The following CHST11 variants were observed in gnomAD, a reference collection of about 807,000 sequenced individuals.
CHST11 encodes the protein C4S-1.
CHST11 carries 9 observed loss-of-function variants against 30.4 expected under a neutral mutation model. That is an observed-to-expected ratio of 0.30 (90% CI 0.18 to 0.52). The LOEUF is 0.52. Ranked by LOEUF, CHST11 falls within the 20% of genes least tolerant of loss-of-function variation. The pLI, the probability that CHST11 is intolerant of heterozygous loss-of-function variation, is 0.97. For synonymous variants in CHST11, 152 were observed against 187.8 expected, an observed-to-expected ratio of 0.81 and a Z score of 1.56; for missense variants, 348 against 460.6, an observed-to-expected ratio of 0.76 and a Z score of 2.24.
At chr12:104,590,764 T>C (rs2038849773) in intron 1 of CHST11, among the ~76,000 whole-genome samples, 1 of 151,874 alleles carries the variant, frequency 6.6e-6, no homozygotes, top group Non-Finnish European at 1.5e-5. Context: ...TACTTAAAAA[T>C]GCCAAAAATT....
rs569455061 is a variant in CHST11, at chr12:104,524,864, TA to T, written c.118+67336del. Reference sequence around the variant, plus strand: ...TTCTTCCTTGACACATACCTATTTTTATTTTGTTTTGGTTCTCATCTCTGTG... The same window carrying T: ...TTCTTCCTTGACACATACCTATTTTTTTTTGTTTTGGTTCTCATCTCTGTG... On this transcript the variant is annotated intron_variant, in intron 1 of 2. Transcript: ENST00000303694. 1.1e-4 allele frequency among the ~76,000 whole-genome samples: 17 copies of T among 152,328 alleles called. No individual in the cohort carries two copies. The South Asian group carries it at 3.5e-3, about 32-fold the overall frequency.
chr12:104,491,840 C>A (rs574690245), intron 1 of CHST11, among the ~76,000 whole-genome samples: 5 of 152,158 alleles, frequency 3.3e-5, no homozygotes, highest in African/African-American at 1.2e-4. Flanking sequence ...CCACCACTCA[C>A]TGGGGCCCAC....
At position 104,663,648 on chromosome 12, in the gene CHST11, C is replaced by T. The variant is rs555772907; in HGVS notation, c.204+61657C>T. 1.8e-3 allele frequency among the ~76,000 whole-genome samples: 279 copies of T among 152,238 alleles called. 4 individuals are homozygous for T. The highest frequency in any genetic ancestry group is 3.2e-3 in the Non-Finnish European group (217 of 68,014). Reference sequence around the variant, plus strand: ...TTCAAAGGGGGCTCATACAGACCAACCCTAATTTAAAAAAATCTTACTAGG... The same window carrying T: ...TTCAAAGGGGGCTCATACAGACCAATCCTAATTTAAAAAAATCTTACTAGG... On this transcript the variant is annotated intron_variant, in intron 2 of 2. Coordinates refer to ENST00000303694, the MANE Select transcript of CHST11 (RefSeq NM_018413.6).
chr12:104,696,482 C>CAG (rs2039946457), intron 2 of CHST11, among the ~76,000 whole-genome samples: 1 of 69,142 alleles, frequency 1.4e-5, no homozygotes, highest in Non-Finnish European at 2.5e-5. Flanking sequence ...GCTAAAAATA[C>CAG]AAAAAAAAAA....
chr12:104,748,431 T>A (rs1257036696), intron 2 of CHST11, among the ~76,000 whole-genome samples: 3 of 152,018 alleles, frequency 2.0e-5, no homozygotes, highest in African/African-American at 7.2e-5. Context: ...GAGAAAGGAC[T>A]GTTAAATGGG....
At chr12:104,612,000 C>A (rs10861252) in intron 2 of CHST11, among the ~76,000 whole-genome samples, 39,004 of 152,112 alleles carry the variant, frequency 0.26, 5,174 homozygotes, top group East Asian at 0.42. Flanking sequence ...CCCTCTCTCG[C>A]CGCTTAGCCC....
rs1404463437 is a variant in CHST11 at position 104,662,970 on chromosome 12, C to T, written c.204+60979C>T. 2.6e-5 allele frequency among the ~76,000 whole-genome samples: 4 copies of T among 152,244 alleles called. No individual in the cohort carries two copies. The East Asian group carries it at 7.7e-4, about 29-fold the overall frequency. On this transcript the variant is annotated intron_variant, in intron 2 of 2. Transcript: ENST00000303694. ...ATTAGAAATTGTGCCACGGAGCCCACTCAGGTGCCACTAATTTATTTAATG... is the reference window on the plus strand; with the variant it reads ...ATTAGAAATTGTGCCACGGAGCCCATTCAGGTGCCACTAATTTATTTAATG...
chr12:104,473,294 G>C (rs762626673), intron 1 of CHST11, among the ~76,000 whole-genome samples: 8 of 152,150 alleles, frequency 5.3e-5, no homozygotes, highest in Non-Finnish European at 1.2e-4. Flanking sequence ...AAACTCCTCT[G>C]TTTTGCATTG....
In CHST11 at chr12:104,753,279, G is replaced by A. The variant is rs143279007; in HGVS notation, c.205-3670G>A. 2.2e-4 allele frequency among the ~76,000 whole-genome samples: 34 copies of A among 152,328 alleles called. No individual in the cohort carries two copies. The East Asian group carries it at 3.7e-3, about 16-fold the overall frequency. ...CACGTTCTCATTCATGTGTTGGTGC[G>A]TCTGACGGATCCTCAGCTGTAAAAT... On this transcript the variant is annotated intron_variant, in intron 2 of 2. Coordinates refer to ENST00000303694, the MANE Select transcript of CHST11 (RefSeq NM_018413.6).
chr12:104,628,101 C>T (rs940837250), intron 2 of CHST11, among the ~76,000 whole-genome samples: 1 of 152,208 alleles, frequency 6.6e-6, no homozygotes, highest in Non-Finnish European at 1.5e-5. Flanking sequence ...CTGCCTGGCA[C>T]AGTGCTCTAA....
intron 2 of CHST11, among the ~76,000 whole-genome samples, chr12:104,749,614 C>G (rs1489047726): frequency 6.6e-6 from 1 of 152,176 alleles, no homozygotes; most frequent in Non-Finnish European, 1.5e-5. Flanking sequence ...TATGAGGGAA[C>G]GGGTTTTTCT....
At chr12:104,570,000 C>T (rs1002550512) in intron 1 of CHST11, among the ~76,000 whole-genome samples, 2 of 152,168 alleles carry the variant, frequency 1.3e-5, no homozygotes, top group Non-Finnish European at 2.9e-5. Flanking sequence ...CTGATAGAAA[C>T]AGTTAGTGGT....
chr12:104,759,543 A>G lies in CHST11; in HGVS notation c.*1740A>G, dbSNP rs967464127. Reference sequence around the variant, plus strand: ...TGCCGTATATAGTGAAGGGGTGAGGATATTCTAAACAAACAAAAATTGAAT... The same window carrying G: ...TGCCGTATATAGTGAAGGGGTGAGGGTATTCTAAACAAACAAAAATTGAAT... On this transcript the variant is annotated 3_prime_UTR_variant, in exon 3 of 3. Transcript: ENST00000303694. 2 of 152,122 alleles carry G rather than the reference A, an allele frequency of 1.3e-5. No individual in the cohort carries two copies. Among genetic ancestry groups the G allele is most frequent in the Middle Eastern group, 3.2e-3 (1 of 316 alleles). The allele number at this position is 152,122 out of a possible 1,614,324, so 9.4% of individuals were successfully genotyped here. A position where few individuals can be genotyped will look rare whatever the true frequency, so the allele number is the denominator to read the frequency against.
Position 104,582,971 on chromosome 12 carries a change from T to C in CHST11, c.119-18935T>C, listed in dbSNP as rs931664052. Among the ~76,000 whole-genome samples the C allele has an allele frequency of 2.6e-5, 4 of 152,016 alleles. No homozygotes were observed. In the East Asian group the frequency reaches 7.7e-4, roughly 29 times the overall value. On this transcript the variant is annotated intron_variant, in intron 1 of 2. Transcript: ENST00000303694. ...GACATGCAAATAGCTTCATATCCTC[T>C]TGTAGCTGTAACCATTTGCAGACAC...
At chr12:104,470,248 T>C (rs2037495178) in intron 1 of CHST11, among the ~76,000 whole-genome samples, 1 of 152,178 alleles carries the variant, frequency 6.6e-6, no homozygotes, top group South Asian at 2.1e-4. Context: ...GACTGGGTAA[T>C]TTATAAAGGA....
At chr12:104,655,041 CTCTG>C (rs761618784) in intron 2 of CHST11, among the ~76,000 whole-genome samples, 43 of 152,212 alleles carry the variant, frequency 2.8e-4, no homozygotes, top group Non-Finnish European at 5.4e-4. Context: ...TGTCTTGGAT[CTCTG>C]TCTGTCTGTG....
rs577279640 is a variant in CHST11 at position 104,515,052 on chromosome 12, C to G, written c.118+57523C>G. The stretch of plus-strand genomic sequence containing the variant: ...TTGGATGAAGCATCTAAGTTCATGA[C>G]TGAATCTAGCCCGTCTCCCGCTTTT... On this transcript the variant is annotated intron_variant, in intron 1 of 2. Transcript: ENST00000303694. 3.3e-5 allele frequency among the ~76,000 whole-genome samples: 5 copies of G among 152,176 alleles called. No individual in the cohort carries two copies. The South Asian group carries it at 1.0e-3, about 32-fold the overall frequency.
chr12:104,486,156 C>CTAG (rs1325427126), intron 1 of CHST11, among the ~76,000 whole-genome samples: 1 of 152,172 alleles, frequency 6.6e-6, no homozygotes, highest in African/African-American at 2.4e-5. Context: ...GTGCATGCTG[C>CTAG]TAGTCATTCT....
chr12:104,615,208 C>A (rs1447144946), intron 2 of CHST11, among the ~76,000 whole-genome samples: 1 of 152,190 alleles, frequency 6.6e-6, no homozygotes, highest in Non-Finnish European at 1.5e-5. Context: ...GCAACATTCC[C>A]CTCTCTTCAT....
Sources: allele counts gnomAD v4.1 joint callset (sites outside exome capture counted in the v4.1 genomes callset), GRCh38; gene constraint gnomAD v4.1.1; transcripts MANE v1.5; gene names NCBI Gene and HGNC (gene_info 2026-07-23, HGNC 2026-07-21).